MMP16: variants seen among roughly 807,000 people sequenced by gnomAD.
MMP16 encodes the protein matrix metallopeptidase 16.
MMP16 carries 12 observed loss-of-function variants against 67.8 expected under a neutral mutation model. The observed-to-expected ratio is 0.18, with a 90% CI of 0.11 to 0.29. MMP16 has a LOEUF of 0.29. Among genes scored for constraint, MMP16 ranks in the 10% least tolerant of loss-of-function variants. MMP16 has a pLI of 1.00. For synonymous variants in MMP16, 249 were observed against 255.9 expected, an observed-to-expected ratio of 0.97 and a Z score of 0.26; for missense variants, 475 against 765.7, an observed-to-expected ratio of 0.62 and a Z score of 4.48.
At position 88,041,388 on chromosome 8, in the gene MMP16, ATAAC is replaced by A. The variant is rs1387357627; in HGVS notation, c.*69_*72del. 1.4e-6 allele frequency: 2 copies of A among 1,473,072 alleles called. No homozygotes were observed. The highest frequency in any genetic ancestry group is 3.7e-5 in the Admixed American group (2 of 53,558). The allele number at this position is 1,473,072 out of a possible 1,614,324, so 91.3% of individuals were successfully genotyped here. ...AGCCTGCTCCTAGCTAGGAAACAGC[ATAAC>A]AGCTCTTGTCTTGAATCTCAAGTTA... On this transcript the variant is annotated 3_prime_UTR_variant, in exon 10 of 10. Coordinates refer to ENST00000286614, the MANE Select transcript of MMP16 (RefSeq NM_005941.5). This position sits in a 1 kb window ranked among gnomAD's most constrained non-coding sequence, Gnocchi z 6.0.
Position 88,255,715 on chromosome 8 carries a change from A to G in MMP16, c.133-58409T>C, listed in dbSNP as rs189713340. Among the ~76,000 whole-genome samples, 372 of 152,304 alleles carry G rather than the reference A, an allele frequency of 2.4e-3. 2 individuals carry two copies. Among genetic ancestry groups the G allele is most frequent in the South Asian group, 0.017 (80 of 4,822 alleles). On this transcript the variant is annotated intron_variant, in intron 1 of 9. Transcript: ENST00000286614. ...ACAGTATGTTTTACTCTGCCGAAGG[A>G]TGGGCAGGAAGTTAAGGGCTGATTG...
chr8:88,232,977 AG>A (rs2129877527), intron 1 of MMP16, among the ~76,000 whole-genome samples: 1 of 152,310 alleles, frequency 6.6e-6, no homozygotes, highest in South Asian at 2.1e-4. Context: ...TTCTGAAGTC[AG>A]GGGATCAAGC....
chr8:88,147,299 G>A (rs984667139), intron 4 of MMP16, among the ~76,000 whole-genome samples: 1 of 151,668 alleles, frequency 6.6e-6, no homozygotes, highest in African/African-American at 2.4e-5. Context: ...ATTCCTTAAC[G>A]CTAAAATAAT....
intron 1 of MMP16, among the ~76,000 whole-genome samples, chr8:88,292,915 G>C (rs569643182): frequency 1.3e-5 from 2 of 152,090 alleles, no homozygotes; most frequent in African/African-American, 4.8e-5. Context: ...ATTGACAATG[G>C]GTTTTGAACC....
At chr8:88,090,496 A>G (rs534449026) in intron 6 of MMP16, among the ~76,000 whole-genome samples, 1 of 152,022 alleles carries the variant, frequency 6.6e-6, no homozygotes, top group Admixed American at 6.6e-5. Flanking sequence ...CTACAATCAG[A>G]CAGTTACTTT....
intron 1 of MMP16, among the ~76,000 whole-genome samples, chr8:88,269,906 C>A (rs539988128): frequency 5.0e-4 from 76 of 152,330 alleles, no homozygotes; most frequent in African/African-American, 1.7e-3. Context: ...ATAACTGTTT[C>A]ACAGATTCAA....
intron 7 of MMP16, among the ~76,000 whole-genome samples, chr8:88,062,304 T>C (rs978915641): frequency 2.6e-5 from 4 of 152,096 alleles, no homozygotes; most frequent in South Asian, 2.1e-4. Context: ...ATCCCATTAT[T>C]GGGCATATAC....
intron 6 of MMP16, among the ~76,000 whole-genome samples, chr8:88,085,618 T>G (rs1808821430): frequency 6.6e-6 from 1 of 152,060 alleles, no homozygotes; most frequent in African/African-American, 2.4e-5. Flanking sequence ...TAACAAGTGA[T>G]TCTTCTAAAT....
intron 1 of MMP16, among the ~76,000 whole-genome samples, chr8:88,247,525 G>T (rs1402864403): frequency 1.3e-5 from 2 of 152,022 alleles, no homozygotes; most frequent in Admixed American, 6.6e-5. Flanking sequence ...CCAGGGAAAG[G>T]CTGACAGACT....
intron 7 of MMP16, among the ~76,000 whole-genome samples, chr8:88,073,670 C>A (rs1404152476): frequency 6.6e-6 from 1 of 152,098 alleles, no homozygotes; most frequent in African/African-American, 2.4e-5. Flanking sequence ...AAGTGTTTCC[C>A]AAATTCCATG....
chr8:88,145,138 T>C (rs907367439), intron 4 of MMP16, among the ~76,000 whole-genome samples: 1 of 151,970 alleles, frequency 6.6e-6, no homozygotes, highest in East Asian at 1.9e-4. Flanking sequence ...AGAAATGTAT[T>C]AGGTGATTTT....
intron 1 of MMP16, among the ~76,000 whole-genome samples, chr8:88,217,530 T>C (rs1809613534): frequency 6.6e-6 from 1 of 152,090 alleles, no homozygotes; most frequent in South Asian, 2.1e-4. Flanking sequence ...TCTGCACTTC[T>C]TACACCCTTC....
At chr8:88,082,776 A>T (rs1360001745) in intron 6 of MMP16, among the ~76,000 whole-genome samples, 2 of 151,340 alleles carry the variant, frequency 1.3e-5, no homozygotes, top group Admixed American at 6.6e-5. Context: ...TGCATGTTTT[A>T]TTTTTTTTTA....
chr8:88,242,428 G>T (rs1295503079), intron 1 of MMP16, among the ~76,000 whole-genome samples: 1 of 152,182 alleles, frequency 6.6e-6, no homozygotes. Context: ...GATTATAGTG[G>T]AAGGGAAGAT....
At chr8:88,307,961 T>A (rs1475774489) in intron 1 of MMP16, among the ~76,000 whole-genome samples, 2 of 151,984 alleles carry the variant, frequency 1.3e-5, no homozygotes, top group Non-Finnish European at 2.9e-5. Context: ...ATGCAATAAC[T>A]CCATATCTCA....
intron 3 of MMP16, among the ~76,000 whole-genome samples, chr8:88,177,863 AAT>A (rs1411312074): frequency 1.3e-5 from 2 of 152,250 alleles, no homozygotes; most frequent in Middle Eastern, 3.4e-3. Flanking sequence ...TCCTCTGTAC[AAT>A]ATGTTACAGC....
intron 3 of MMP16, among the ~76,000 whole-genome samples, chr8:88,178,798 C>T (rs564234464): frequency 1.3e-5 from 2 of 151,954 alleles, no homozygotes; most frequent in South Asian, 2.1e-4. Context: ...TTATATGTTG[C>T]CTTTTCCTTT....
At chr8:88,259,295 A>G (rs1293207940) in intron 1 of MMP16, among the ~76,000 whole-genome samples, 1 of 152,204 alleles carries the variant, frequency 6.6e-6, no homozygotes, top group East Asian at 1.9e-4. Flanking sequence ...AATTGGATGC[A>G]TTTTCAACGG....
intron 1 of MMP16, among the ~76,000 whole-genome samples, chr8:88,213,328 C>T (rs568703816): frequency 3.3e-5 from 5 of 152,046 alleles, no homozygotes; most frequent in African/African-American, 9.6e-5. Flanking sequence ...CATCACGAGA[C>T]GTTTGAGAAT....
Sources: gnomAD v4.1 joint callset for allele counts (sites outside exome capture counted in the v4.1 genomes callset) on GRCh38, gnomAD v4.1.1 for gene constraint, Gnocchi (gnomAD v3.1) non-coding constraint, MANE v1.5 for transcripts, NCBI Gene and HGNC (gene_info 2026-07-23, HGNC 2026-07-21) for gene names.